The following SLIT2 variants were observed in gnomAD, a reference collection of about 807,000 sequenced individuals.
SLIT2 encodes the protein slit homolog 2 protein.
SLIT2 carries 41 observed loss-of-function variants against 185.7 expected under a neutral mutation model. The ratio of observed to expected loss-of-function variants is 0.22; its 90% CI spans 0.17 to 0.29. The LOEUF is 0.29. Among genes scored for constraint, SLIT2 ranks in the 10% least tolerant of loss-of-function variants. The pLI, the probability that SLIT2 is intolerant of heterozygous loss-of-function variation, is 1.00. For synonymous variants in SLIT2, 693 were observed against 680.2 expected, an observed-to-expected ratio of 1.02 and a Z score of -0.29; for missense variants, 1,571 against 1,909.0, an observed-to-expected ratio of 0.82 and a Z score of 3.30.
At position 20,302,190 on chromosome 4, in the gene SLIT2, C is replaced by A. The variant is rs541146800; in HGVS notation, c.395+33309C>A. Among the ~76,000 whole-genome samples the A allele has an allele frequency of 2.3e-3, 357 of 152,240 alleles. 3 individuals are homozygous for A. The highest frequency in any genetic ancestry group is 8.3e-3 in the African/African-American group (343 of 41,564). On this transcript the variant is annotated intron_variant, in intron 4 of 36. Coordinates refer to ENST00000504154, the MANE Select transcript of SLIT2 (RefSeq NM_004787.4). ...GCTTTCACTCATGTTCGAATCTATTCTTTTATATCATGGAATTTGTATTTC... is the reference window on the plus strand; with the variant it reads ...GCTTTCACTCATGTTCGAATCTATTATTTTATATCATGGAATTTGTATTTC...
intron 4 of SLIT2, among the ~76,000 whole-genome samples, chr4:20,300,345 G>A (rs1716921345): frequency 6.6e-6 from 1 of 151,952 alleles, no homozygotes; most frequent in Non-Finnish European, 1.5e-5. Context: ...ATTATATAGG[G>A]TATATCTTAT....
intron 4 of SLIT2, among the ~76,000 whole-genome samples, chr4:20,438,700 T>C (rs10008461): frequency 6.6e-6 from 1 of 152,092 alleles, no homozygotes; most frequent in South Asian, 2.1e-4. Context: ...TGCTGTTAAC[T>C]CTCTGATCTC....
At chr4:20,567,208 T>A in intron 26 of SLIT2, 54 bp from the exon 27 acceptor site, 1 of 1,513,092 alleles carries the variant, frequency 6.6e-7, no homozygotes, top group Non-Finnish European at 9.0e-7. Context: ...ATACAAGTAA[T>A]TAAAAGTAAA....
At chr4:20,542,687 C>T in intron 21 of SLIT2, 61 bp downstream of exon 21, 5 of 1,539,494 alleles carry the variant, frequency 3.2e-6, no homozygotes, top group South Asian at 2.3e-5. Flanking sequence ...TTTCATACAC[C>T]CAGAGGAATG....
intron 11 of SLIT2, among the ~76,000 whole-genome samples, chr4:20,516,787 A>G (rs1415093828): frequency 6.6e-6 from 1 of 152,154 alleles, no homozygotes; most frequent in Non-Finnish European, 1.5e-5. Context: ...CATTCCCATT[A>G]CATTGAGTAT....
intron 5 of SLIT2, among the ~76,000 whole-genome samples, chr4:20,472,367 T>G (rs758559201): frequency 5.8e-4 from 17 of 29,452 alleles, no homozygotes; most frequent in African/African-American, 1.1e-3. Context: ...TCTATATAGA[T>G]ATCTATATCT....
intron 33 of SLIT2, among the ~76,000 whole-genome samples, chr4:20,606,262 A>G (rs1014491481): frequency 1.3e-5 from 2 of 152,166 alleles, no homozygotes; most frequent in Non-Finnish European, 2.9e-5. Context: ...TGGGAGGCCA[A>G]GCCAGGAAGA....
rs1308919802 is a variant in SLIT2, at chr4:20,453,671, T to C, written c.396-14081T>C. 2.0e-5 allele frequency among the ~76,000 whole-genome samples: 3 copies of C among 152,172 alleles called. No individual in the cohort carries two copies. In the South Asian group the frequency reaches 6.2e-4, roughly 32 times the overall value. On this transcript the variant is annotated intron_variant, in intron 4 of 36. Coordinates refer to ENST00000504154, the MANE Select transcript of SLIT2 (RefSeq NM_004787.4). ...TGACACAACTGGGATGAAATTCTTA[T>C]ATAATTAAAGCAAAGGCCCAGTCCT...
intron 21 of SLIT2, among the ~76,000 whole-genome samples, chr4:20,543,673 A>C (rs1040677353): frequency 6.6e-6 from 1 of 152,120 alleles, no homozygotes; most frequent in African/African-American, 2.4e-5. Flanking sequence ...ATTTTTAAGG[A>C]TCTTATTTTC....
intron 13 of SLIT2, 28 bp from the exon 14 acceptor site, chr4:20,523,986 T>C: frequency 6.2e-7 from 1 of 1,613,786 alleles, no homozygotes; most frequent in Non-Finnish European, 8.5e-7. Context: ...AAGTCATCTA[T>C]AAAACTGTTC....
At chr4:20,277,697 C>T (rs1373827899) in intron 4 of SLIT2, among the ~76,000 whole-genome samples, 1 of 148,178 alleles carries the variant, frequency 6.7e-6, no homozygotes, top group East Asian at 2.0e-4. Flanking sequence ...TATTTTTAAT[C>T]ATTAATTTGG....
intron 18 of SLIT2, among the ~76,000 whole-genome samples, chr4:20,535,988 C>G (rs1722241600): frequency 6.6e-6 from 1 of 152,184 alleles, no homozygotes; most frequent in Non-Finnish European, 1.5e-5. Flanking sequence ...CAGCCTATTG[C>G]TCCTGGGCTA....
intron 4 of SLIT2, among the ~76,000 whole-genome samples, chr4:20,341,929 T>C (rs1720993166): frequency 6.6e-6 from 1 of 152,214 alleles, no homozygotes; most frequent in Admixed American, 6.5e-5. Flanking sequence ...CGCATGAAAT[T>C]GCATTTTTGT....
intron 4 of SLIT2, among the ~76,000 whole-genome samples, chr4:20,398,263 G>A (rs975328856): frequency 2.0e-5 from 3 of 151,778 alleles, no homozygotes; most frequent in African/African-American, 4.8e-5. Flanking sequence ...AATCAGAGTT[G>A]TATTTGTTTG....
intron 4 of SLIT2, among the ~76,000 whole-genome samples, chr4:20,445,493 G>A (rs924499022): frequency 6.6e-6 from 1 of 152,168 alleles, no homozygotes; most frequent in Non-Finnish European, 1.5e-5. Context: ...CTCTTTGTTA[G>A]ACATTGTCAT....
intron 4 of SLIT2, among the ~76,000 whole-genome samples, chr4:20,447,500 C>T (rs1312844731): frequency 6.6e-6 from 1 of 152,184 alleles, no homozygotes; most frequent in African/African-American, 2.4e-5. Flanking sequence ...CATTGCTCTC[C>T]TTTGAATTTT....
intron 26 of SLIT2, among the ~76,000 whole-genome samples, chr4:20,561,071 G>A (rs752348225): frequency 1.3e-5 from 2 of 151,798 alleles, no homozygotes; most frequent in Non-Finnish European, 2.9e-5. Flanking sequence ...AGGTCCAAGA[G>A]GCCAACAGGA....
chr4:20,327,077 G>A (rs980039332), intron 4 of SLIT2, among the ~76,000 whole-genome samples: 1 of 151,836 alleles, frequency 6.6e-6, no homozygotes, highest in African/African-American at 2.4e-5. Context: ...CAGTTTCTTT[G>A]TTTTCCCTCC....
chr4:20,301,294 A>G (rs181329574), intron 4 of SLIT2, among the ~76,000 whole-genome samples: 1 of 152,310 alleles, frequency 6.6e-6, no homozygotes, highest in East Asian at 1.9e-4. Flanking sequence ...TTAAAGAGAT[A>G]AGCATGTTAC....
Sources: allele counts gnomAD v4.1 joint callset (sites outside exome capture counted in the v4.1 genomes callset), GRCh38; gene constraint gnomAD v4.1.1; transcripts MANE v1.5; gene names NCBI Gene and HGNC (gene_info 2026-07-23, HGNC 2026-07-21).